Variants in DYM observed in about 807,000 individuals in gnomAD.
DYM encodes dymeclin.
A neutral mutation model predicts 93.1 loss-of-function variants in DYM; 78 were observed. The ratio of observed to expected loss-of-function variants is 0.84; its 90% CI spans 0.70 to 1.01. The LOEUF (loss-of-function observed/expected upper bound fraction) is 1.01. Among genes scored for constraint, DYM ranks in the 50% least tolerant of loss-of-function variants. The probability of loss-of-function intolerance (pLI) is 0.00; values close to 1 mark genes in which losing one functional copy is unlikely to be tolerated. For missense variants in DYM, 789 were observed against 845.0 expected, an observed-to-expected ratio of 0.93 and a Z score of 0.82; for synonymous variants, 321 against 319.7, an observed-to-expected ratio of 1.00 and a Z score of -0.04.
At position 49,416,865 on chromosome 18, in the gene DYM, G is replaced by A. The variant is rs142755647; in HGVS notation, c.140+13390C>T. On this transcript the variant is annotated intron_variant, in intron 2 of 17. Transcript: ENST00000675505. ...TTTCTAACAAGTGTGCCAAAAATAG[G>A]TAACAGGTGGACATATTTTTATTTC... is the stretch of plus-strand genomic sequence containing the variant. 2.3e-3 allele frequency among the ~76,000 whole-genome samples: 348 copies of A among 152,210 alleles called. 2 individuals are homozygous for A. Among genetic ancestry groups the A allele is most frequent in the Middle Eastern group, 0.01 (3 of 294 alleles).
intron 13 of DYM, among the ~76,000 whole-genome samples, chr18:49,222,411 A>C (rs991499187): frequency 6.6e-6 from 1 of 152,156 alleles, no homozygotes. Context: ...GTCCGAGACA[A>C]GAAATGTATT....
At chr18:49,438,936 C>T (rs1396884921) in intron 1 of DYM, among the ~76,000 whole-genome samples, 1 of 152,212 alleles carries the variant, frequency 6.6e-6, no homozygotes, top group Non-Finnish European at 1.5e-5. Context: ...TCAATGAAAA[C>T]TAGAGTAAAG....
intron 16 of DYM, among the ~76,000 whole-genome samples, chr18:49,108,533 C>T (rs755299579): frequency 3.3e-5 from 5 of 152,194 alleles, no homozygotes; most frequent in African/African-American, 7.2e-5. Flanking sequence ...TGTTCCTATT[C>T]GGCCATCTTG....
intron 15 of DYM, among the ~76,000 whole-genome samples, chr18:49,133,295 T>C (rs1004090531): frequency 3.3e-5 from 5 of 152,190 alleles, no homozygotes; most frequent in Non-Finnish European, 5.9e-5. Context: ...CGGATTTACT[T>C]TGTGGATGTC....
chr18:49,392,689 A>T (rs1160056282), intron 2 of DYM, among the ~76,000 whole-genome samples: 1 of 139,736 alleles, frequency 7.2e-6, no homozygotes, highest in Non-Finnish European at 1.6e-5. Context: ...TTTAAAAAAA[A>T]AAAAAAAAAA....
intron 8 of DYM, among the ~76,000 whole-genome samples, chr18:49,317,652 CCTTCCTTCCTTCCTTCCT>C (rs2062097745): frequency 2.9e-4 from 17 of 58,762 alleles, no homozygotes; most frequent in African/African-American, 1.1e-3. Flanking sequence ...TCCTCTCCTT[CCTTCCTTCCTTCCTTCCT>C]TCCTTCCTTC....
chr18:49,180,889 C>T (rs1320939716), intron 14 of DYM, among the ~76,000 whole-genome samples: 1 of 152,126 alleles, frequency 6.6e-6, no homozygotes, highest in Non-Finnish European at 1.5e-5. Context: ...GAAAAAGTCA[C>T]CATTCAGTTC....
At chr18:49,070,137 C>T (rs1410541799) in intron 17 of DYM, among the ~76,000 whole-genome samples, 3 of 152,280 alleles carry the variant, frequency 2.0e-5, no homozygotes, top group Middle Eastern at 3.4e-3. Flanking sequence ...ACAAGAGCTC[C>T]GAGCCATCCA....
At chr18:49,123,447 T>C (rs2082549556) in intron 15 of DYM, among the ~76,000 whole-genome samples, 1 of 152,216 alleles carries the variant, frequency 6.6e-6, no homozygotes, top group Non-Finnish European at 1.5e-5. Context: ...CCTAGACATA[T>C]AATTTAACTG....
intron 17 of DYM, among the ~76,000 whole-genome samples, chr18:49,082,832 A>C (rs2145224600): frequency 6.6e-6 from 1 of 152,360 alleles, no homozygotes; most frequent in East Asian, 1.9e-4. Flanking sequence ...AATGCTGAAT[A>C]CATGTGCTGG....
intron 16 of DYM, among the ~76,000 whole-genome samples, chr18:49,108,692 G>C (rs904612373): frequency 6.6e-6 from 1 of 152,246 alleles, no homozygotes; most frequent in African/African-American, 2.4e-5. Flanking sequence ...GTGCACTGAT[G>C]TTGTTGGGTG....
chr18:49,168,798 G>C (rs2088257896), intron 14 of DYM, among the ~76,000 whole-genome samples: 1 of 152,208 alleles, frequency 6.6e-6, no homozygotes, highest in South Asian at 2.1e-4. Context: ...GCATTCCACA[G>C]AGGAAATCTA....
intron 6 of DYM, among the ~76,000 whole-genome samples, chr18:49,335,080 C>T (rs571249073): frequency 6.4e-4 from 97 of 152,184 alleles, no homozygotes; most frequent in South Asian, 5.0e-3. Context: ...GCACTCCAGC[C>T]TTGGCGATAA....
intron 8 of DYM, among the ~76,000 whole-genome samples, chr18:49,318,142 G>C (rs372861955): frequency 1.3e-5 from 2 of 152,072 alleles, no homozygotes; most frequent in South Asian, 4.1e-4. Context: ...GTTTCTCCTG[G>C]AGCCACCATT....
intron 8 of DYM, among the ~76,000 whole-genome samples, chr18:49,317,610 T>TCCC (rs2062076418): frequency 7.3e-5 from 1 of 13,646 alleles, no homozygotes; most frequent in Non-Finnish European, 1.3e-4. Context: ...CCCTCCCCCC[T>TCCC]CCCTCCCTCC....
At chr18:49,364,229 G>T (rs1337625206) in intron 5 of DYM, among the ~76,000 whole-genome samples, 1 of 152,162 alleles carries the variant, frequency 6.6e-6, no homozygotes, top group Non-Finnish European at 1.5e-5. Flanking sequence ...CAGATCACCT[G>T]AGGTCAGGAG....
chr18:49,108,189 G>A (rs2081046128), intron 16 of DYM, among the ~76,000 whole-genome samples: 2 of 152,170 alleles, frequency 1.3e-5, no homozygotes, highest in Admixed American at 6.5e-5. Flanking sequence ...CTCCATGGGT[G>A]TAGGACCCTC....
chr18:49,270,909 C>G (rs943026999), intron 11 of DYM, among the ~76,000 whole-genome samples: 14 of 152,068 alleles, frequency 9.2e-5, no homozygotes, highest in Non-Finnish European at 1.8e-4. Context: ...AGCCCTGCCC[C>G]CTTCTCCTAT....
intron 1 of DYM, among the ~76,000 whole-genome samples, chr18:49,444,345 C>T (rs1037783960): frequency 1.3e-5 from 2 of 152,124 alleles, no homozygotes; most frequent in Non-Finnish European, 2.9e-5. Flanking sequence ...CAGGCTGAGA[C>T]AAATTTTTCT....
Sources: allele counts gnomAD v4.1 joint callset (sites outside exome capture counted in the v4.1 genomes callset), GRCh38; gene constraint gnomAD v4.1.1; transcripts MANE v1.5; gene names NCBI Gene and HGNC (gene_info 2026-07-23, HGNC 2026-07-21).